COP1: variants seen among roughly 807,000 people sequenced by gnomAD.
The protein encoded by COP1 is E3 ubiquitin-protein ligase COP1.
A neutral mutation model predicts 101.3 loss-of-function variants in COP1; 24 were observed. The observed-to-expected ratio is 0.24, with a 90% CI of 0.17 to 0.33. The LOEUF (loss-of-function observed/expected upper bound fraction) is 0.33, where lower values mean the gene tolerates loss of function less well. Among genes scored for constraint, COP1 ranks in the 10% least tolerant of loss-of-function variants. The pLI is 1.00. For missense variants in COP1, 663 were observed against 906.2 expected (o/e 0.73, Z 3.45); for synonymous variants, 347 against 341.9 (o/e 1.01, Z -0.17).
At chr1:176,106,981 G>A (rs11809136) in intron 9 of COP1, among the ~76,000 whole-genome samples, 9,005 of 152,070 alleles carry the variant, frequency 0.059, 603 homozygotes, top group African/African-American at 0.16. Context: ...AAGCAATTCC[G>A]GTGCAACCTA....
chr1:175,954,332 C>T (rs963938741), intron 18 of COP1, among the ~76,000 whole-genome samples: 5 of 151,904 alleles, frequency 3.3e-5, no homozygotes, highest in Non-Finnish European at 7.4e-5. Flanking sequence ...GAAGGTTGAA[C>T]ATTAATGATA....
chr1:176,096,262 C>T (rs1682346146), intron 9 of COP1, among the ~76,000 whole-genome samples: 3 of 152,172 alleles, frequency 2.0e-5, no homozygotes, highest in Non-Finnish European at 2.9e-5. Flanking sequence ...CTATGGCATG[C>T]CTCTTCTTTT....
At chr1:176,106,415 T>C (rs531228192) in intron 9 of COP1, among the ~76,000 whole-genome samples, 2 of 152,282 alleles carry the variant, frequency 1.3e-5, no homozygotes, top group East Asian at 1.9e-4. Flanking sequence ...ACTAGACAAC[T>C]AACACTGGCC....
intron 8 of COP1, among the ~76,000 whole-genome samples, chr1:176,128,106 T>C (rs2149684540): frequency 6.6e-6 from 1 of 152,232 alleles, no homozygotes; most frequent in East Asian, 1.9e-4. Flanking sequence ...TATATTTTGT[T>C]CCTTGTATAT....
At chr1:176,190,258 A>G (rs928398508) in intron 1 of COP1, among the ~76,000 whole-genome samples, 52 of 152,148 alleles carry the variant, frequency 3.4e-4, no homozygotes, top group South Asian at 4.1e-4. Context: ...AAATGCCCCA[A>G]TAAGTATTTT....
At chr1:176,028,967 T>C (rs1300478141) in intron 14 of COP1, among the ~76,000 whole-genome samples, 1 of 151,518 alleles carries the variant, frequency 6.6e-6, no homozygotes, top group African/African-American at 2.4e-5. Context: ...TTGCTGAGAT[T>C]GGTCTCAAAC....
At chr1:175,988,602 G>A (rs547673007) in intron 16 of COP1, 190 bp from the exon 17 acceptor site, 1 of 456,862 alleles carries the variant, frequency 2.2e-6, no homozygotes, top group Admixed American at 3.8e-5. Flanking sequence ...GTAGGCCGAG[G>A]CAGGTGGACC....
chr1:176,012,568 A>G lies in COP1; in HGVS notation c.1729+15004T>C, dbSNP rs889454992. Among the ~76,000 whole-genome samples the G allele has an allele frequency of 3.9e-5, 6 of 152,372 alleles. No individual in the cohort carries two copies. The South Asian group carries it at 1.2e-3, about 32-fold the overall frequency. ...TTTAGTATAGCCTAAGTATACAGTA[A>G]TGACCTAGGTCTTCATATTCACTCA... On this transcript the variant is annotated intron_variant, in intron 15 of 19. Coordinates refer to ENST00000367669, the MANE Select transcript of COP1 (RefSeq NM_022457.7).
At chr1:176,069,048 C>T (rs1398331604) in intron 11 of COP1, among the ~76,000 whole-genome samples, 3 of 151,918 alleles carry the variant, frequency 2.0e-5, no homozygotes, top group African/African-American at 7.3e-5. Context: ...ATTAGCCAGG[C>T]GTGGTGGCAC....
intron 11 of COP1, among the ~76,000 whole-genome samples, chr1:176,059,583 A>G (rs1027283203): frequency 1.3e-4 from 20 of 152,006 alleles, no homozygotes; most frequent in African/African-American, 4.8e-4. Flanking sequence ...CCTGGGTTCA[A>G]GTGATTCTCC....
rs533317637 is a variant in COP1, at chr1:176,060,890, A to T, written c.1278-14566T>A. On this transcript the variant is annotated intron_variant, in intron 11 of 19. Transcript: ENST00000367669. Reference sequence around the variant, plus strand: ...AAAAAACACTGAAGAAAAATATTTTAAAAAATGTGAGTTTTACCAGATAAA... The same window carrying T: ...AAAAAACACTGAAGAAAAATATTTTTAAAAATGTGAGTTTTACCAGATAAA... Among the ~76,000 whole-genome samples, 70 of 152,300 alleles carry T rather than the reference A, an allele frequency of 4.6e-4. No homozygotes were observed. The East Asian group carries it at 9.4e-3, about 21-fold the overall frequency.
intron 11 of COP1, among the ~76,000 whole-genome samples, chr1:176,067,969 C>T (rs531805447): frequency 6.6e-6 from 1 of 152,194 alleles, no homozygotes; most frequent in East Asian, 1.9e-4. Flanking sequence ...ACAAGCCACA[C>T]CCCCATCGCA....
At chr1:176,148,280 T>C (rs1269418376) in intron 6 of COP1, among the ~76,000 whole-genome samples, 3 of 151,952 alleles carry the variant, frequency 2.0e-5, no homozygotes, top group South Asian at 2.1e-4. Flanking sequence ...AGAATAAAGA[T>C]AGCCCAGAAC....
At chr1:176,005,356 T>A (rs1238970578) in intron 15 of COP1, among the ~76,000 whole-genome samples, 2 of 152,224 alleles carry the variant, frequency 1.3e-5, no homozygotes, top group Non-Finnish European at 2.9e-5. Context: ...TTTCCTTCAG[T>A]TCTGCTCTGA....
intron 15 of COP1, among the ~76,000 whole-genome samples, chr1:176,005,228 T>C (rs1167294320): frequency 6.6e-6 from 1 of 152,190 alleles, no homozygotes; most frequent in African/African-American, 2.4e-5. Flanking sequence ...TTGCATCTAT[T>C]TGATTCTTCT....
rs147920486 is a variant in COP1 at position 176,139,791 on chromosome 1, A to T, written c.832-3244T>A. ...TCATAAAGATGGTTACAACAGACACAGGGAACTACTGGGGTGGGGGAAGGA... is the reference window on the plus strand; with the variant it reads ...TCATAAAGATGGTTACAACAGACACTGGGAACTACTGGGGTGGGGGAAGGA... On this transcript the variant is annotated intron_variant, in intron 6 of 19. Transcript: ENST00000367669. Among the ~76,000 whole-genome samples the T allele has an allele frequency of 2.6e-3, 398 of 152,270 alleles. 3 individuals carry two copies. Among genetic ancestry groups the T allele is most frequent in the African/African-American group, 9.1e-3 (380 of 41,548 alleles).
intron 9 of COP1, among the ~76,000 whole-genome samples, chr1:176,112,544 A>C (rs753610202): frequency 3.9e-5 from 6 of 152,198 alleles, no homozygotes; most frequent in African/African-American, 7.2e-5. Context: ...CATGTCAAAC[A>C]TTTATCATTT....
intron 10 of COP1, among the ~76,000 whole-genome samples, chr1:176,082,374 T>G (rs1271060505): frequency 6.6e-6 from 1 of 152,168 alleles, no homozygotes; most frequent in African/African-American, 2.4e-5. Flanking sequence ...AAAAGTAAGA[T>G]GCAAGAATTA....
intron 3 of COP1, among the ~76,000 whole-genome samples, chr1:176,171,698 CA>C (rs1377531539): frequency 6.6e-6 from 1 of 150,826 alleles, no homozygotes; most frequent in Admixed American, 6.6e-5. Context: ...AAAAAAAATG[CA>C]ACTTCTATAA....
Sources: gnomAD v4.1 joint callset for allele counts (sites outside exome capture counted in the v4.1 genomes callset) on GRCh38, gnomAD v4.1.1 for gene constraint, MANE v1.5 for transcripts, NCBI Gene and HGNC (gene_info 2026-07-23, HGNC 2026-07-21) for gene names.